Variants in AARS2 observed in about 807,000 individuals in gnomAD.
AARS2 encodes alanine--tRNA ligase, mitochondrial.
Under a neutral mutation model 119.7 loss-of-function variants are expected in AARS2, and 78 were observed. That is an observed-to-expected ratio of 0.65 (90% CI 0.54 to 0.79). The LOEUF (loss-of-function observed/expected upper bound fraction) is 0.79. Among genes scored for constraint, AARS2 ranks in the 30% least tolerant of loss-of-function variants. The probability of loss-of-function intolerance (pLI) is 0.00; values close to 1 mark genes in which losing one functional copy is unlikely to be tolerated. For missense variants in AARS2, 1,157 were observed against 1,291.3 expected, an observed-to-expected ratio of 0.90 and a Z score of 1.59; for synonymous variants, 502 against 526.3, an observed-to-expected ratio of 0.95 and a Z score of 0.63.
Position 44,307,626 on chromosome 6 carries a change from TCTA to T in AARS2, c.895-235_895-233del. On this transcript the variant is annotated intron_variant, in intron 5 of 21. Transcript: ENST00000244571. The surrounding 1 kb of genome is among the most constrained non-coding windows in gnomAD (Gnocchi z 4.4). ...CATATCTGTGACCATTTACTGAATT[TCTA>T]CTATCAGAACTGGGTGAGTACTTGA... The T allele has an allele frequency of 1.7e-6, 1 of 602,474 alleles. No individual in the cohort carries two copies. Among genetic ancestry groups the T allele is most frequent in the South Asian group, 2.0e-5 (1 of 49,684 alleles). 37.3% of individuals were successfully genotyped at this position (602,474 alleles called of 1,614,324 possible).
In AARS2 at chr6:44,300,644, G is replaced by C; in HGVS notation, c.2861C>G (p.Ala954Gly). The C allele has an allele frequency of 6.2e-7, 1 of 1,613,868 alleles. No individual in the cohort carries two copies. The highest frequency in any genetic ancestry group is 1.1e-5 in the South Asian group (1 of 91,088). The change falls in exon 22 of 22, where the codon GCG (alanine) becomes GGG (glycine). Residue 954 changes from alanine to glycine, a missense_variant. Ala to Gly is a moderately conservative substitution (Grantham distance 60). Transcript: ENST00000244571. ...LAVCSHMGGK[A>G]WGSRVVAQGT... ...TTGGGCCACCACTCGTGAGCCCCACGCCTTGCCCCCCATGTGGCTGCACAC... is the reference window on the plus strand; with the variant it reads ...TTGGGCCACCACTCGTGAGCCCCACCCCTTGCCCCCCATGTGGCTGCACAC...
At chr6:44,301,656 T>A (rs149786867) in intron 19 of AARS2, among the ~76,000 whole-genome samples, 192 bp from the exon 20 acceptor site, 39 of 152,120 alleles carry the variant, frequency 2.6e-4, no homozygotes, top group Middle Eastern at 3.4e-3. Flanking sequence ...CATGTGTCCT[T>A]CCTCACTTCC....
intron 7 of AARS2, 74 bp downstream of exon 7, chr6:44,306,849 A>T: frequency 7.1e-7 from 1 of 1,412,746 alleles, no homozygotes; most frequent in Non-Finnish European, 1.0e-6. Context: ...GGCTGGGGGC[A>T]CTGTCTAGGC....
Position 44,300,320 on chromosome 6 carries a change from C to G in AARS2, c.*227G>C, listed in dbSNP as rs2153353278. On this transcript the variant is annotated 3_prime_UTR_variant, in exon 22 of 22. Transcript: ENST00000244571. ...ATGTGCAGTCACAGCCATAATTGTC[C>G]ATGTCTTCTCTTTCACCAAGGGGGT... is the stretch of plus-strand genomic sequence containing the variant. 1.6e-6 allele frequency: 1 copy of G among 611,218 alleles called. No homozygotes were observed. The highest frequency in any genetic ancestry group is 1.8e-5 in the African/African-American group (1 of 54,358). The allele number at this position is 611,218 out of a possible 1,614,324, so 37.9% of individuals were successfully genotyped here.
chr6:44,312,297 A>T, intron 1 of AARS2, 34 bp from the exon 2 acceptor site: 1 of 1,602,140 alleles, frequency 6.2e-7, no homozygotes, highest in Non-Finnish European at 8.5e-7. Flanking sequence ...GGGGAGAGGG[A>T]TATCCAATTT....
intron 16 of AARS2, 61 bp downstream of exon 16, chr6:44,303,005 G>T: frequency 1.9e-6 from 3 of 1,607,490 alleles, no homozygotes; most frequent in Non-Finnish European, 2.6e-6. Context: ...TGGCTCCAAA[G>T]ACCAAGGGAA....
Position 44,310,413 on chromosome 6 carries a change from G to C in AARS2, c.780C>G (p.Pro260=), listed in dbSNP as rs1201254625. The C allele has an allele frequency of 6.2e-7, 1 of 1,614,030 alleles. No individual in the cohort carries two copies. ...CCATTCCTGTGTCCACATGCCGCTG[G>C]GGCAGGGGCTGCAGGCTTCCATCTG... ...READGSLQPL[P]QRHVDTGMGL... is the part of the protein sequence containing the mutation. Residue 260 remains proline (P), a synonymous_variant, in exon 5 of 22, where the codon CCC becomes CCG. Transcript: ENST00000244571.
chr6:44,309,184 C>A (rs1786136771), intron 5 of AARS2, among the ~76,000 whole-genome samples: 2 of 152,286 alleles, frequency 1.3e-5, no homozygotes, highest in East Asian at 1.9e-4. Flanking sequence ...TGTCTTGGAA[C>A]CTTGCTGAGC....
Position 44,305,567 on chromosome 6 carries a change from C to T in AARS2, c.1434+86G>A, listed in dbSNP as rs1785771942. ...CCTATCTCAGCCTCTTGATTCCTCT[C>T]AATATTCACAGCTCCTCCCCCAGGA... On this transcript the variant is annotated intron_variant, in intron 10 of 21. Coordinates refer to ENST00000244571, the MANE Select transcript of AARS2 (RefSeq NM_020745.4). The surrounding 1 kb of genome is among the most constrained non-coding windows in gnomAD (Gnocchi z 4.6). The T allele has an allele frequency of 1.3e-6, 2 of 1,593,586 alleles. No individual in the cohort carries two copies. Among genetic ancestry groups the T allele is most frequent in the Non-Finnish European group, 1.7e-6 (2 of 1,164,602 alleles).
rs749832845 is a variant in AARS2 at position 44,302,503 on chromosome 6, A to G, written c.2375T>C (p.Leu792Pro). ...CACTTCCTGGGCCAGGCTCTGGCCTAGCTCTCGGGCCTGCAGGGAGGGGAC... is the reference window on the plus strand; with the variant it reads ...CACTTCCTGGGCCAGGCTCTGGCCTGGCTCTCGGGCCTGCAGGGAGGGGAC... ...TGEQAQQARE[L>P]GQSLAQEVKA... Residue 792 changes from leucine (L) to proline (P), a missense_variant, in exon 18 of 22, where the codon CTA (leucine) becomes CCA (proline). Leu to Pro is a moderately conservative substitution (Grantham distance 98). Coordinates refer to ENST00000244571, the MANE Select transcript of AARS2 (RefSeq NM_020745.4). 1 of 1,614,024 alleles carries G rather than the reference A, an allele frequency of 6.2e-7. No individual in the cohort carries two copies. The highest frequency in any genetic ancestry group is 2.2e-5 in the East Asian group (1 of 44,860).
rs1054092802 is a variant in AARS2 at position 44,299,254 on chromosome 6, T to C, written c.*1293A>G. Among the ~76,000 whole-genome samples, 11 of 41,320 alleles carry C rather than the reference T, an allele frequency of 2.7e-4. No individual in the cohort carries two copies. The East Asian group carries it at 0.015, about 56-fold the overall frequency. 27.1% of individuals were successfully genotyped at this position (41,320 alleles called of 152,430 possible). On this transcript the variant is annotated 3_prime_UTR_variant, in exon 22 of 22. Transcript: ENST00000244571. ...CAGACCTCATCACCATCTGACACTT[T>C]CTCCCTTCTTTTTTTTAAGACAGGG... is the stretch of plus-strand genomic sequence containing the variant.
Position 44,310,293 on chromosome 6 carries a change from A to G in AARS2, c.894+6T>C. 6.3e-7 allele frequency: 1 copy of G among 1,589,868 alleles called. No homozygotes were observed. The highest frequency in any genetic ancestry group is 8.6e-7 in the Non-Finnish European group (1 of 1,167,572). On this transcript the variant is annotated splice_donor_region_variant and intron_variant, in intron 5 of 21. Transcript: ENST00000244571. Reference sequence around the variant, plus strand: ...AGAGGGCTTCTGGAAGGGAAGAGGCACTCACCTGCTGTATGGCGTTGAGCA... The same window carrying G: ...AGAGGGCTTCTGGAAGGGAAGAGGCGCTCACCTGCTGTATGGCGTTGAGCA...
chr6:44,301,374 C>T lies in AARS2; in HGVS notation c.2682+7G>A, dbSNP rs761146868. 5 of 1,614,020 alleles carry T rather than the reference C, an allele frequency of 3.1e-6. No individual in the cohort carries two copies. Among genetic ancestry groups the T allele is most frequent in the South Asian group, 1.1e-5 (1 of 91,084 alleles). ...CCCTGGGGCAGCCCGGCTTGGCTAG[C>T]ACTCACTGAGAGAGACTCAGCAGAG... is the stretch of plus-strand genomic sequence containing the variant. On this transcript the variant is annotated splice_region_variant and intron_variant, in intron 20 of 21. Coordinates refer to ENST00000244571, the MANE Select transcript of AARS2 (RefSeq NM_020745.4).
At chr6:44,302,202 C>G in intron 18 of AARS2, 32 bp from the exon 19 acceptor site, 1 of 1,613,074 alleles carries the variant, frequency 6.2e-7, no homozygotes, top group South Asian at 1.1e-5. Context: ...CACCCCTGCC[C>G]TTCCCTGAGC....
intron 4 of AARS2, among the ~76,000 whole-genome samples, chr6:44,310,675 T>C (rs1786274568): frequency 6.6e-6 from 1 of 152,176 alleles, no homozygotes; most frequent in South Asian, 2.1e-4. Flanking sequence ...GGCCCTTGCC[T>C]GGGCACCAGA....
Position 44,304,806 on chromosome 6 carries a change from A to G in AARS2, c.1591T>C (p.Cys531Arg). The G allele has an allele frequency of 6.2e-7, 1 of 1,614,130 alleles. No homozygotes were observed. The highest frequency in any genetic ancestry group is 2.2e-5 in the East Asian group (1 of 44,874). ...RPSGSYEFGT[C>R]EAQVLQLYTE... ...TACAGTTGCAACACCTGGGCCTCAC[A>G]GGTGCCGAACTCTGCCAGGGCACAG... The change falls in exon 12 of 22, where the codon TGT (cysteine) becomes CGT (arginine). Residue 531 changes from cysteine to arginine, a missense_variant. Physicochemically the swap from Cys to Arg is radical, Grantham distance 180. Coordinates refer to ENST00000244571, the MANE Select transcript of AARS2 (RefSeq NM_020745.4).
chr6:44,308,613 T>A (rs75729070), intron 5 of AARS2, among the ~76,000 whole-genome samples: 5,327 of 152,246 alleles, frequency 0.035, 149 homozygotes, highest in African/African-American at 0.071. Flanking sequence ...TTATTTATTT[T>A]TTTTGAGATG....
In AARS2 at chr6:44,310,320, C is replaced by T. The variant is rs541970073; in HGVS notation, c.873G>A (p.Pro291=). 5.6e-6 allele frequency: 9 copies of T among 1,606,742 alleles called. No individual in the cohort carries two copies. The highest frequency in any genetic ancestry group is 4.5e-5 in the South Asian group (4 of 89,650). Reference sequence around the variant, plus strand: ...TCACCTGCTGTATGGCGTTGAGCAGCGGGGAAAAGAGGTCAGTGTCATAGG... The same window carrying T: ...TCACCTGCTGTATGGCGTTGAGCAGTGGGGAAAAGAGGTCAGTGTCATAGG... ...HSTYDTDLFS[P]LLNAIQQGCR... Residue 291 remains proline (P), a synonymous_variant, in exon 5 of 22, where the codon CCG becomes CCA. Coordinates refer to ENST00000244571, the MANE Select transcript of AARS2 (RefSeq NM_020745.4).
intron 21 of AARS2, 168 bp from the exon 22 acceptor site, chr6:44,300,879 G>A (rs902166058): frequency 3.5e-5 from 30 of 857,884 alleles, no homozygotes; most frequent in Non-Finnish European, 5.6e-5. Context: ...CTGGAAATGT[G>A]TGTGGGGAGG....
Sources: gnomAD v4.1 joint callset for allele counts (sites outside exome capture counted in the v4.1 genomes callset) on GRCh38, gnomAD v4.1.1 for gene constraint, Gnocchi (gnomAD v3.1) non-coding constraint, MANE v1.5 for transcripts, NCBI Gene and HGNC (gene_info 2026-07-23, HGNC 2026-07-21) for gene names.